CEP57L1: variants seen among roughly 807,000 people sequenced by gnomAD.
CEP57L1 encodes the protein centrosomal protein 57 like 1.
Under a neutral mutation model 61.0 loss-of-function variants are expected in CEP57L1, and 37 were observed. The observed-to-expected ratio is 0.61, with a 90% CI of 0.47 to 0.80. The LOEUF (loss-of-function observed/expected upper bound fraction) is 0.80. Ranked by LOEUF, CEP57L1 falls within the 30% of genes least tolerant of loss-of-function variation. CEP57L1 has a pLI of 0.00. For missense variants in CEP57L1, 422 were observed against 524.7 expected (o/e 0.80, Z 1.91); for synonymous variants, 137 against 162.3 (o/e 0.84, Z 1.19).
chr6:109,105,746 G>C (rs1770855309), intron 1 of CEP57L1, among the ~76,000 whole-genome samples: 1 of 152,082 alleles, frequency 6.6e-6, no homozygotes, highest in East Asian at 1.9e-4. Flanking sequence ...ATCTAGATTA[G>C]GGATCCCCAA....
intron 1 of CEP57L1, among the ~76,000 whole-genome samples, chr6:109,105,379 T>C (rs1441340582): frequency 6.6e-6 from 1 of 152,216 alleles, no homozygotes; most frequent in African/African-American, 2.4e-5. Flanking sequence ...TATATGTTTA[T>C]ATTTTACCGT....
intron 1 of CEP57L1, among the ~76,000 whole-genome samples, chr6:109,110,311 A>G (rs1292740254): frequency 2.0e-5 from 3 of 152,100 alleles, no homozygotes; most frequent in African/African-American, 7.2e-5. Context: ...GCTTTTTTTC[A>G]TATGTTTGTT....
intron 7 of CEP57L1, chr6:109,157,955 C>G (rs911533887): frequency 6.6e-6 from 1 of 152,108 alleles, no homozygotes; most frequent in African/African-American, 2.4e-5. Context: ...TTCATGCAAT[C>G]CCTCTATAGC....
At chr6:109,146,270 GGTTCTT>G (rs1771950262) in intron 2 of CEP57L1, among the ~76,000 whole-genome samples, 1 of 151,738 alleles carries the variant, frequency 6.6e-6, no homozygotes, top group Non-Finnish European at 1.5e-5. Context: ...TAATTATCCT[GGTTCTT>G]AATACTGCAT....
chr6:109,100,928 G>T (rs188300986), intron 1 of CEP57L1, among the ~76,000 whole-genome samples: 1 of 152,106 alleles, frequency 6.6e-6, no homozygotes, highest in Non-Finnish European at 1.5e-5. Context: ...CCAACATGGT[G>T]AAAGTCCATC....
chr6:109,158,918 C>A, intron 7 of CEP57L1, 107 bp from the exon 8 acceptor site: 2 of 1,092,978 alleles, frequency 1.8e-6, no homozygotes, highest in Non-Finnish European at 2.7e-6. Flanking sequence ...ATGTCTTTTG[C>A]CCATTTTCCA....
At chr6:109,145,819 G>A (rs1771896331) in intron 2 of CEP57L1, among the ~76,000 whole-genome samples, 1 of 151,846 alleles carries the variant, frequency 6.6e-6, no homozygotes, top group South Asian at 2.1e-4. Flanking sequence ...CAAAATACTA[G>A]TATTTTAACG....
At chr6:109,097,467 A>G (rs1443764512) in intron 1 of CEP57L1, among the ~76,000 whole-genome samples, 2 of 152,180 alleles carry the variant, frequency 1.3e-5, no homozygotes, top group South Asian at 2.1e-4. Flanking sequence ...CTAACTTCAT[A>G]TATTGCCCTC....
At chr6:109,117,861 C>G (rs1214418190) in intron 1 of CEP57L1, among the ~76,000 whole-genome samples, 3 of 152,154 alleles carry the variant, frequency 2.0e-5, no homozygotes, top group South Asian at 2.1e-4. Context: ...ATAGGCTGTT[C>G]TCTGTGCTCC....
In CEP57L1 at chr6:109,170,599, G is replaced by A. The variant is rs143159792; in HGVS notation, c.*7629G>A. 2.2e-3 allele frequency among the ~76,000 whole-genome samples: 329 copies of A among 152,228 alleles called. 1 individual carries two copies. Among genetic ancestry groups the A allele is most frequent in the Non-Finnish European group, 3.5e-3 (240 of 68,000 alleles). The stretch of plus-strand genomic sequence containing the variant: ...TTTCACTCTTCATCACTGTAGATCC[G>A]TTTAACTTTACAAATGTGTTATTTA... On this transcript the variant is annotated 3_prime_UTR_variant, in exon 11 of 11. Transcript: ENST00000517392.
At chr6:109,124,372 AT>A (rs1189161797) in intron 1 of CEP57L1, among the ~76,000 whole-genome samples, 3 of 152,174 alleles carry the variant, frequency 2.0e-5, no homozygotes, top group Non-Finnish European at 4.4e-5. Flanking sequence ...CTCAGAGTAG[AT>A]TGCTCAAAAC....
rs1774310742 is a variant in CEP57L1 at position 109,169,620 on chromosome 6, T to C, written c.*6650T>C. ...ATACTGGTTTTCTAATGTGGGCAAA[T>C]AAATACATTCAGTATGAATCCCTTA... is the stretch of plus-strand genomic sequence containing the variant. On this transcript the variant is annotated 3_prime_UTR_variant, in exon 11 of 11. Coordinates refer to ENST00000517392, the MANE Select transcript of CEP57L1 (RefSeq NM_001271852.3). Among the ~76,000 whole-genome samples the C allele has an allele frequency of 6.6e-6, 1 of 152,186 alleles. No homozygotes were observed. The highest frequency in any genetic ancestry group is 2.4e-5 in the African/African-American group (1 of 41,454).
At chr6:109,119,152 A>C (rs1211305258) in intron 1 of CEP57L1, among the ~76,000 whole-genome samples, 1 of 152,180 alleles carries the variant, frequency 6.6e-6, no homozygotes, top group Non-Finnish European at 1.5e-5. Context: ...GGCAGGAGAA[A>C]AGAACTAGAT....
At chr6:109,104,914 C>T (rs1475022355) in intron 1 of CEP57L1, among the ~76,000 whole-genome samples, 1 of 152,090 alleles carries the variant, frequency 6.6e-6, no homozygotes, top group Non-Finnish European at 1.5e-5. Flanking sequence ...AAATTTTTTT[C>T]AATCTAATGG....
At chr6:109,109,414 G>A (rs1771315015) in intron 1 of CEP57L1, among the ~76,000 whole-genome samples, 1 of 152,082 alleles carries the variant, frequency 6.6e-6, no homozygotes, top group African/African-American at 2.4e-5. Flanking sequence ...TTAATTTAGG[G>A]AGTAATTTCA....
In CEP57L1 at chr6:109,171,082, T is replaced by A. The variant is rs924715368; in HGVS notation, c.*8112T>A. Among the ~76,000 whole-genome samples, 10 of 151,048 alleles carry A rather than the reference T, an allele frequency of 6.6e-5. No individual in the cohort carries two copies. Among genetic ancestry groups the A allele is most frequent in the Admixed American group, 5.3e-4 (8 of 15,232 alleles). On this transcript the variant is annotated 3_prime_UTR_variant, in exon 11 of 11. Coordinates refer to ENST00000517392, the MANE Select transcript of CEP57L1 (RefSeq NM_001271852.3). Reference sequence around the variant, plus strand: ...AGGTATGATTTAAATGGTGGACACTTAAGCCAAAATTTCAAACAGGTTCTT... The same window carrying A: ...AGGTATGATTTAAATGGTGGACACTAAAGCCAAAATTTCAAACAGGTTCTT...
Position 109,142,115 on chromosome 6 carries a change from C to T in CEP57L1, c.-3-3104C>T, listed in dbSNP as rs535341086. 4.6e-5 allele frequency among the ~76,000 whole-genome samples: 7 copies of T among 152,152 alleles called. No individual in the cohort carries two copies. In the South Asian group the frequency reaches 1.5e-3, roughly 32 times the overall value. The stretch of plus-strand genomic sequence containing the variant: ...TTATGCAATGGGTTCTTAGTTGCAG[C>T]CAATTGGGGTATCTTAATTTTATAA... On this transcript the variant is annotated intron_variant, in intron 1 of 10. Transcript: ENST00000517392.
At chr6:109,138,260 A>G (rs1583548558) in intron 1 of CEP57L1, among the ~76,000 whole-genome samples, 1 of 152,184 alleles carries the variant, frequency 6.6e-6, no homozygotes, top group Non-Finnish European at 1.5e-5. Flanking sequence ...TTATGTTAAA[A>G]GGCTTATTCT....
In CEP57L1 at chr6:109,145,400, T is replaced by G; in HGVS notation, c.160+19T>G. ...AGCCAAGGTAATGCTGATATAAAAT[T>G]TGAAGAATGGTAAAAACATGCTATA... On this transcript the variant is annotated intron_variant, in intron 2 of 10. Coordinates refer to ENST00000517392, the MANE Select transcript of CEP57L1 (RefSeq NM_001271852.3). 1 of 1,495,346 alleles carries G rather than the reference T, an allele frequency of 6.7e-7. No homozygotes were observed. Among genetic ancestry groups the G allele is most frequent in the African/African-American group, 1.4e-5 (1 of 71,514 alleles). 92.6% of individuals were successfully genotyped at this position (1,495,346 alleles called of 1,614,324 possible). A position where few individuals can be genotyped will look rare whatever the true frequency, so the allele number is the denominator to read the frequency against.
Sources: gnomAD v4.1 joint callset for allele counts (sites outside exome capture counted in the v4.1 genomes callset) on GRCh38, gnomAD v4.1.1 for gene constraint, MANE v1.5 for transcripts, NCBI Gene and HGNC (gene_info 2026-07-23, HGNC 2026-07-21) for gene names.